The following PDE4D variants were observed in gnomAD, a reference collection of about 807,000 sequenced individuals.
PDE4D encodes phosphodiesterase 4D, also known as 3',5'-cyclic-AMP phosphodiesterase 4D.
A neutral mutation model predicts 87.4 loss-of-function variants in PDE4D; 24 were observed. The observed-to-expected ratio is 0.27, with a 90% CI of 0.20 to 0.39. The LOEUF (loss-of-function observed/expected upper bound fraction) is 0.39. Among genes scored for constraint, PDE4D ranks in the 10% least tolerant of loss-of-function variants. The probability of loss-of-function intolerance (pLI) is 1.00; values close to 1 mark genes in which losing one functional copy is unlikely to be tolerated. For synonymous variants in PDE4D, 384 were observed against 383.2 expected, an observed-to-expected ratio of 1.00 and a Z score of -0.02; for missense variants, 714 against 1,041.0, an observed-to-expected ratio of 0.69 and a Z score of 4.32.
At chr5:60,455,816 AG>A (rs1746427286) in intron 1 of PDE4D, among the ~76,000 whole-genome samples, 1 of 152,174 alleles carries the variant, frequency 6.6e-6, no homozygotes, top group East Asian at 1.9e-4. Context: ...AGGCCATTCA[AG>A]GACCTCTGCG....
At chr5:60,011,098 A>G (rs558190238) in intron 2 of PDE4D, among the ~76,000 whole-genome samples, 9 of 152,206 alleles carry the variant, frequency 5.9e-5, no homozygotes, top group Non-Finnish European at 1.2e-4. Flanking sequence ...TGCCAGCTTC[A>G]CTGAGGAAAA....
At chr5:59,301,822 T>C (rs965724963) in intron 1 of PDE4D, among the ~76,000 whole-genome samples, 21 of 152,000 alleles carry the variant, frequency 1.4e-4, no homozygotes, top group African/African-American at 4.3e-4. Context: ...TGTCATGCAA[T>C]TGTCAGGGGC....
intron 1 of PDE4D, among the ~76,000 whole-genome samples, chr5:59,745,240 C>G (rs1044023823): frequency 1.3e-5 from 2 of 152,078 alleles, no homozygotes; most frequent in African/African-American, 4.8e-5. Context: ...ATAAGCCAGT[C>G]TCTAGAAGTT....
At chr5:59,278,923 A>G (rs762022751) in intron 1 of PDE4D, among the ~76,000 whole-genome samples, 1 of 152,078 alleles carries the variant, frequency 6.6e-6, no homozygotes, top group Non-Finnish European at 1.5e-5. Context: ...TTATCATCCA[A>G]TGGTGAGCGT....
chr5:60,108,356 A>G (rs1777275111), intron 2 of PDE4D, among the ~76,000 whole-genome samples: 1 of 152,004 alleles, frequency 6.6e-6, no homozygotes, highest in Non-Finnish European at 1.5e-5. Flanking sequence ...AAGGAAATAA[A>G]AGAGGATACA....
chr5:59,220,471 A>C (rs550997108), intron 1 of PDE4D, among the ~76,000 whole-genome samples: 37 of 151,992 alleles, frequency 2.4e-4, no homozygotes, highest in Non-Finnish European at 4.3e-4. Flanking sequence ...GAGGACCCCC[A>C]AAAAGGCTTG....
chr5:59,684,664 G>C (rs1749567162), intron 1 of PDE4D, among the ~76,000 whole-genome samples: 1 of 152,122 alleles, frequency 6.6e-6, no homozygotes, highest in African/African-American at 2.4e-5. Flanking sequence ...CCAACTATAG[G>C]AACTATAACC....
intron 1 of PDE4D, among the ~76,000 whole-genome samples, chr5:60,341,097 A>G (rs1241970010): frequency 2.0e-5 from 3 of 152,086 alleles, no homozygotes; most frequent in East Asian, 3.9e-4. Flanking sequence ...AGTCAGAGCA[A>G]TATCTTGAAA....
intron 1 of PDE4D, among the ~76,000 whole-genome samples, chr5:59,682,545 T>A (rs1188075742): frequency 6.6e-6 from 1 of 152,206 alleles, no homozygotes; most frequent in Non-Finnish European, 1.5e-5. Context: ...AGCAATATGA[T>A]GGTATTTACA....
intron 1 of PDE4D, among the ~76,000 whole-genome samples, chr5:59,806,134 C>G (rs1767705972): frequency 6.6e-6 from 1 of 152,204 alleles, no homozygotes; most frequent in African/African-American, 2.4e-5. Context: ...GCCATGCTAA[C>G]AGGCAGGTCA....
intron 2 of PDE4D, among the ~76,000 whole-genome samples, chr5:59,206,646 T>A (rs2153500321): frequency 6.6e-6 from 1 of 152,346 alleles, no homozygotes; most frequent in South Asian, 2.1e-4. Flanking sequence ...CAAGAATGCA[T>A]GCTCCAAACA....
intron 1 of PDE4D, among the ~76,000 whole-genome samples, chr5:59,394,086 T>G (rs893785821): frequency 7.9e-5 from 12 of 152,138 alleles, no homozygotes; most frequent in Non-Finnish European, 1.8e-4. Context: ...TGATCTCAAG[T>G]GGTTCCCCTT....
intron 1 of PDE4D, among the ~76,000 whole-genome samples, chr5:60,398,756 C>T (rs370305415): frequency 1.1e-4 from 17 of 152,232 alleles, no homozygotes; most frequent in South Asian, 1.0e-3. Context: ...ATGGGATTTA[C>T]ATATATGAAT....
At chr5:59,350,161 G>A (rs1780280125) in intron 1 of PDE4D, among the ~76,000 whole-genome samples, 3 of 152,146 alleles carry the variant, frequency 2.0e-5, no homozygotes, top group Non-Finnish European at 4.4e-5. Flanking sequence ...ACTTGGATAA[G>A]TCTTTCTCTT....
chr5:59,830,825 T>G (rs1462183543), intron 1 of PDE4D, among the ~76,000 whole-genome samples: 1 of 152,092 alleles, frequency 6.6e-6, no homozygotes, highest in Non-Finnish European at 1.5e-5. Flanking sequence ...AAGTTTCAGT[T>G]AAACAGTTTT....
chr5:60,337,928 A>T lies in PDE4D; in HGVS notation c.-90+150014T>A, dbSNP rs138685760. 2.3e-3 allele frequency among the ~76,000 whole-genome samples: 350 copies of T among 152,300 alleles called. 1 individual carries two copies. Among genetic ancestry groups the T allele is most frequent in the African/African-American group, 7.1e-3 (297 of 41,552 alleles). On this transcript the variant is annotated intron_variant, in intron 1 of 16. Transcript: ENST00000502484. ...GGCAAACAGAAACAAATAATAATAA[A>T]AAAAAAGACATACAATGTAAAAAAA...
At chr5:59,020,820 G>C (rs1755018692) in intron 6 of PDE4D, among the ~76,000 whole-genome samples, 1 of 152,098 alleles carries the variant, frequency 6.6e-6, no homozygotes, top group Non-Finnish European at 1.5e-5. Flanking sequence ...ACACTACTAG[G>C]GAATTCCTTC....
At chr5:60,125,582 GC>G (rs1455902485) in intron 2 of PDE4D, among the ~76,000 whole-genome samples, 2 of 151,996 alleles carry the variant, frequency 1.3e-5, no homozygotes, top group African/African-American at 2.4e-5. Context: ...AAAGACCCAA[GC>G]GGGGAGACAA....
chr5:59,141,602 G>C (rs892366487), intron 5 of PDE4D, among the ~76,000 whole-genome samples: 1 of 152,120 alleles, frequency 6.6e-6, no homozygotes, highest in Non-Finnish European at 1.5e-5. Context: ...CTTATAGACC[G>C]GGCTTTTTTT....
Sources: gnomAD v4.1 joint callset for allele counts (sites outside exome capture counted in the v4.1 genomes callset) on GRCh38, gnomAD v4.1.1 for gene constraint, MANE v1.5 for transcripts, NCBI Gene and HGNC (gene_info 2026-07-23, HGNC 2026-07-21) for gene names.